AFF2: variants seen among roughly 807,000 people sequenced by gnomAD.
AFF2 encodes the protein AF4/FMR2 family member 2.
AFF2 carries 14 observed loss-of-function variants against 76.9 expected under a neutral mutation model. The ratio of observed to expected loss-of-function variants is 0.18; its 90% CI spans 0.12 to 0.28. The LOEUF (loss-of-function observed/expected upper bound fraction) is 0.28. AFF2 is among the 10% of genes least tolerant of loss of function. AFF2 has a pLI of 1.00. For missense variants in AFF2, 868 were observed against 1,001.1 expected (o/e 0.87, Z 1.79); for synonymous variants, 398 against 366.7 (o/e 1.09, Z -0.98).
chrX:148,927,767 A>G (rs1557283938), intron 9 of AFF2, among the ~76,000 whole-genome samples: 1 of 111,991 alleles, frequency 8.9e-6, no homozygotes, highest in Non-Finnish European at 1.9e-5. Context: ...CAAACTCCCT[A>G]TTTTTGGAGA....
intron 1 of AFF2, among the ~76,000 whole-genome samples, chrX:148,635,557 A>G (rs782448975): frequency 5.4e-5 from 6 of 112,010 alleles, no homozygotes; most frequent in African/African-American, 1.9e-4. Flanking sequence ...ACCTGTCCCT[A>G]GTAACTCATT....
In AFF2 at chrX:149,000,605, A is replaced by C. The variant is rs782466711; in HGVS notation, c.*9273A>C. Reference sequence around the variant, plus strand: ...GGTTTCTCTCATAGAGGCATTAACTATACTGCCAATGCATTGAATTATTTA... The same window carrying C: ...GGTTTCTCTCATAGAGGCATTAACTCTACTGCCAATGCATTGAATTATTTA... On this transcript the variant is annotated 3_prime_UTR_variant, in exon 21 of 21. Coordinates refer to ENST00000370460, the MANE Select transcript of AFF2 (RefSeq NM_002025.4). 10 of 112,932 alleles carry C rather than the reference A, an allele frequency of 8.9e-5. No homozygotes were observed. The highest frequency in any genetic ancestry group is 1.7e-4 in the Non-Finnish European group (9 of 53,355). 9.3% of individuals were successfully genotyped at this position (112,932 alleles called of 1,213,427 possible).
intron 3 of AFF2, among the ~76,000 whole-genome samples, chrX:148,768,823 A>T (rs2069550963): frequency 8.9e-6 from 1 of 111,933 alleles, no homozygotes; most frequent in Non-Finnish European, 1.9e-5. Context: ...CTGGCCATTA[A>T]ATTGCAGGTG....
chrX:148,623,730 A>T (rs1213133241), intron 1 of AFF2, among the ~76,000 whole-genome samples: 9 of 110,490 alleles, frequency 8.1e-5, no homozygotes, highest in African/African-American at 2.6e-4. Context: ...ATCTGTTTGC[A>T]TGGAAGACTC....
At position 148,608,321 on chromosome X, in the gene AFF2, G is replaced by A. The variant is rs115725970; in HGVS notation, c.48-43678G>A. The stretch of plus-strand genomic sequence containing the variant: ...TTTGAATTAGCATACACACAGTCAC[G>A]TAACTATACAGTACTTCCATAAAGA... On this transcript the variant is annotated intron_variant, in intron 1 of 20. Transcript: ENST00000370460. Among the ~76,000 whole-genome samples, 161 of 111,102 alleles carry A rather than the reference G, an allele frequency of 1.4e-3. 1 individual carries two copies. Among genetic ancestry groups the A allele is most frequent in the African/African-American group, 5.2e-3 (159 of 30,590 alleles).
At chrX:148,795,532 G>A (rs1271651932) in intron 3 of AFF2, among the ~76,000 whole-genome samples, 2 of 107,251 alleles carry the variant, frequency 1.9e-5, no homozygotes, top group African/African-American at 6.8e-5. Context: ...GCCATGCTCA[G>A]TAGATCATGC....
intron 1 of AFF2, among the ~76,000 whole-genome samples, chrX:148,571,013 A>G (rs1191793093): frequency 8.9e-6 from 1 of 111,931 alleles, no homozygotes; most frequent in Admixed American, 9.5e-5. Flanking sequence ...TTTCCAAATT[A>G]GGTTACATTC....
At chrX:148,678,970 G>T (rs1429324889) in intron 3 of AFF2, among the ~76,000 whole-genome samples, 1 of 110,553 alleles carries the variant, frequency 9.0e-6, no homozygotes, top group Admixed American at 9.7e-5. Context: ...ATCAACACTC[G>T]TTCAATGCTG....
At chrX:148,958,596 C>T in intron 12 of AFF2, 138 bp downstream of exon 12, 2 of 860,074 alleles carry the variant, frequency 2.3e-6, no homozygotes, top group Admixed American at 3.2e-5. Flanking sequence ...CAAGGCCTGA[C>T]AGCTGTCCCT....
rs1345490161 is a variant in AFF2 at position 148,996,939 on chromosome X, A to G, written c.*5607A>G. On this transcript the variant is annotated 3_prime_UTR_variant, in exon 21 of 21. Transcript: ENST00000370460. ...CTTTTACATGTAACTAGGATAAAGT[A>G]TTTACGGGAACTCTATGGAGAATAG... 1 of 112,292 alleles carries G rather than the reference A, an allele frequency of 8.9e-6. No individual in the cohort carries two copies. The highest frequency in any genetic ancestry group is 3.2e-5 in the African/African-American group (1 of 30,808). The allele number at this position is 112,292 out of a possible 1,213,427, so 9.3% of individuals were successfully genotyped here.
At chrX:148,774,212 A>G (rs944293761) in intron 3 of AFF2, among the ~76,000 whole-genome samples, 37 of 112,100 alleles carry the variant, frequency 3.3e-4, no homozygotes, top group African/African-American at 1.2e-3. Flanking sequence ...AAACAATTCA[A>G]ACAATTCAAG....
At chrX:148,894,510 G>A (rs979286652) in intron 8 of AFF2, among the ~76,000 whole-genome samples, 1 of 111,762 alleles carries the variant, frequency 8.9e-6, no homozygotes, top group Non-Finnish European at 1.9e-5. Flanking sequence ...AGGTGGATGG[G>A]CGGAAAAAAG....
chrX:148,784,571 G>A (rs1463020955), intron 3 of AFF2, among the ~76,000 whole-genome samples: 10 of 111,354 alleles, frequency 9.0e-5, no homozygotes, highest in Admixed American at 7.6e-4. Flanking sequence ...CTAATGCTAC[G>A]GTGCATTAAG....
chrX:148,938,182 T>C (rs112777409), intron 9 of AFF2, among the ~76,000 whole-genome samples: 2 of 112,105 alleles, frequency 1.8e-5, no homozygotes, highest in African/African-American at 6.5e-5. Context: ...CCAGTGTTGT[T>C]TGTAGACAAT....
In AFF2 at chrX:148,580,611, C is replaced by T. The variant is rs142741851; in HGVS notation, c.48-71388C>T. 1.9e-3 allele frequency among the ~76,000 whole-genome samples: 210 copies of T among 110,208 alleles called. 1 individual carries two copies. The highest frequency in any genetic ancestry group is 6.8e-3 in the African/African-American group (205 of 30,370). ...AAGGATTTTTGTTGTGATAATGAAG[C>T]ACCATTTTTTCATTCAGATGAAGTT... is the stretch of plus-strand genomic sequence containing the variant. On this transcript the variant is annotated intron_variant, in intron 1 of 20. Coordinates refer to ENST00000370460, the MANE Select transcript of AFF2 (RefSeq NM_002025.4).
At chrX:148,812,714 C>T (rs1160289326) in intron 4 of AFF2, among the ~76,000 whole-genome samples, 2 of 111,122 alleles carry the variant, frequency 1.8e-5, no homozygotes, top group African/African-American at 3.3e-5. Flanking sequence ...TAACCAAATG[C>T]AACACAACCA....
intron 13 of AFF2, among the ~76,000 whole-genome samples, chrX:148,965,370 C>A (rs1056924430): frequency 4.7e-4 from 52 of 111,780 alleles, no homozygotes; most frequent in African/African-American, 1.6e-3. Flanking sequence ...AAGAAGAGTT[C>A]TAGGAGCATT....
chrX:148,655,203 A>G (rs1356619101), intron 2 of AFF2, among the ~76,000 whole-genome samples: 6 of 110,847 alleles, frequency 5.4e-5, no homozygotes, highest in African/African-American at 2.0e-4. Context: ...AGATGGGAAC[A>G]TTTAGTATAG....
At position 148,994,102 on chromosome X, in the gene AFF2, T is replaced by C. The variant is rs1359814017; in HGVS notation, c.*2770T>C. 1 of 110,790 alleles carries C rather than the reference T, an allele frequency of 9.0e-6. No homozygotes were observed. The highest frequency in any genetic ancestry group is 3.3e-5 in the African/African-American group (1 of 30,011). 9.1% of individuals were successfully genotyped at this position (110,790 alleles called of 1,213,427 possible). Reference sequence around the variant, plus strand: ...TGATGGAGGCTTGGTGAGACACACTTAAATAAGCACGTGGAGGTTAGAATA... The same window carrying C: ...TGATGGAGGCTTGGTGAGACACACTCAAATAAGCACGTGGAGGTTAGAATA... On this transcript the variant is annotated 3_prime_UTR_variant, in exon 21 of 21. Coordinates refer to ENST00000370460, the MANE Select transcript of AFF2 (RefSeq NM_002025.4).
Sources: allele counts gnomAD v4.1 joint callset (sites outside exome capture counted in the v4.1 genomes callset), GRCh38; gene constraint gnomAD v4.1.1; transcripts MANE v1.5; gene names NCBI Gene and HGNC (gene_info 2026-07-23, HGNC 2026-07-21).